Variants in MCTP1 observed in about 807,000 individuals in gnomAD.
MCTP1 encodes the protein multiple C2 and transmembrane domain-containing protein 1.
A neutral mutation model predicts 120.6 loss-of-function variants in MCTP1; 69 were observed. The observed-to-expected ratio is 0.57, with a 90% confidence interval of 0.47 to 0.70. The LOEUF (loss-of-function observed/expected upper bound fraction) is 0.70. Ranked by LOEUF, MCTP1 falls within the 30% of genes least tolerant of loss-of-function variation. MCTP1 has a pLI of 0.00. For synonymous variants in MCTP1, 529 were observed against 493.1 expected (o/e 1.07, Z -0.96); for missense variants, 1,203 against 1,248.8 (o/e 0.96, Z 0.55).
At chr5:95,110,479 C>T (rs1322840696) in intron 1 of MCTP1, among the ~76,000 whole-genome samples, 1 of 152,072 alleles carries the variant, frequency 6.6e-6, no homozygotes, top group African/African-American at 2.4e-5. Context: ...ATGGAAGGAA[C>T]TTGGGTTCCC....
chr5:94,952,631 C>A (rs1820912786), intron 3 of MCTP1, among the ~76,000 whole-genome samples: 1 of 152,074 alleles, frequency 6.6e-6, no homozygotes, highest in Admixed American at 6.6e-5. Flanking sequence ...AAAAGCTGGG[C>A]ATGAAAATAA....
chr5:95,013,548 G>A (rs1158370053), intron 2 of MCTP1, among the ~76,000 whole-genome samples: 1 of 152,028 alleles, frequency 6.6e-6, no homozygotes, highest in Non-Finnish European at 1.5e-5. Flanking sequence ...GAAAATCCTA[G>A]GGCCCTTAAG....
intron 1 of MCTP1, among the ~76,000 whole-genome samples, chr5:95,193,357 G>A (rs949779962): frequency 6.6e-6 from 1 of 152,010 alleles, no homozygotes; most frequent in Non-Finnish European, 1.5e-5. Flanking sequence ...TATTTGCATG[G>A]CACTTTTCTA....
chr5:94,815,859 CAAAG>C (rs1784387045), intron 17 of MCTP1, among the ~76,000 whole-genome samples: 1 of 152,046 alleles, frequency 6.6e-6, no homozygotes, highest in Non-Finnish European at 1.5e-5. Context: ...GAGCTGGTGT[CAAAG>C]AGAGGGCAAT....
At chr5:95,157,375 A>G (rs1430960704) in intron 1 of MCTP1, among the ~76,000 whole-genome samples, 1 of 152,214 alleles carries the variant, frequency 6.6e-6, no homozygotes, top group East Asian at 1.9e-4. Flanking sequence ...GGGCACCCTA[A>G]AGATAAACCA....
chr5:95,246,921 G>A (rs1756856643), intron 1 of MCTP1, among the ~76,000 whole-genome samples: 1 of 152,152 alleles, frequency 6.6e-6, no homozygotes, highest in Admixed American at 6.5e-5. Flanking sequence ...GAGTTAGGGA[G>A]GATTCCCTCT....
intron 2 of MCTP1, among the ~76,000 whole-genome samples, chr5:94,981,669 A>G (rs1291361980): frequency 6.6e-6 from 1 of 152,098 alleles, no homozygotes; most frequent in Non-Finnish European, 1.5e-5. Context: ...AGGGTTTGCT[A>G]TTTTGGATGA....
Position 94,895,245 on chromosome 5 carries a change from C to T in MCTP1, c.1653-410G>A, listed in dbSNP as rs559833024. Among the ~76,000 whole-genome samples the T allele has an allele frequency of 3.3e-5, 5 of 152,240 alleles. No homozygotes were observed. In the South Asian group the frequency reaches 8.3e-4, roughly 25 times the overall value. On this transcript the variant is annotated intron_variant, in intron 10 of 22. Coordinates refer to ENST00000515393, the MANE Select transcript of MCTP1 (RefSeq NM_024717.7). Reference sequence around the variant, plus strand: ...ACCTTTAAAAAATGGATGTTTTCCCCTCATTCGTAAATGTTATTAAGCAGT... The same window carrying T: ...ACCTTTAAAAAATGGATGTTTTCCCTTCATTCGTAAATGTTATTAAGCAGT...
chr5:95,088,362 T>A (rs981456698), intron 1 of MCTP1, among the ~76,000 whole-genome samples: 1 of 152,144 alleles, frequency 6.6e-6, no homozygotes, highest in Non-Finnish European at 1.5e-5. Flanking sequence ...AAATATGAAG[T>A]TAAGAATTGA....
intron 1 of MCTP1, among the ~76,000 whole-genome samples, chr5:95,028,189 T>C (rs995899076): frequency 2.6e-5 from 4 of 151,798 alleles, no homozygotes; most frequent in African/African-American, 7.3e-5. Context: ...CTTTGGAGAG[T>C]GAAAGGGAGT....
At chr5:95,034,688 C>T (rs1321038240) in intron 1 of MCTP1, among the ~76,000 whole-genome samples, 1 of 151,900 alleles carries the variant, frequency 6.6e-6, no homozygotes, top group Non-Finnish European at 1.5e-5. Context: ...GTGAAGACTT[C>T]AAAAGCAAAT....
At chr5:95,077,737 G>C (rs1753937542) in intron 1 of MCTP1, among the ~76,000 whole-genome samples, 1 of 152,122 alleles carries the variant, frequency 6.6e-6, no homozygotes, top group Non-Finnish European at 1.5e-5. Flanking sequence ...CTCCCAAAGT[G>C]CTGGGATTAC....
chr5:94,751,380 T>C (rs1193766356), intron 19 of MCTP1, among the ~76,000 whole-genome samples: 2 of 144,348 alleles, frequency 1.4e-5, no homozygotes, highest in Non-Finnish European at 3.0e-5. Flanking sequence ...TATGAGATAG[T>C]GTATGAGAGA....
In MCTP1 at chr5:95,284,276, G is replaced by A. The variant is rs756441614; in HGVS notation, c.300C>T (p.Cys100=). The A allele has an allele frequency of 1.1e-5, 18 of 1,596,322 alleles. No individual in the cohort carries two copies. The highest frequency in any genetic ancestry group is 3.3e-5 in the Admixed American group (2 of 59,856). The change falls in exon 1 of 23, where the codon TGC becomes TGT. Residue 100 remains cysteine, a synonymous_variant. Coordinates refer to ENST00000515393, the MANE Select transcript of MCTP1 (RefSeq NM_024717.7). This position sits in a 1 kb window ranked among gnomAD's most constrained non-coding sequence, Gnocchi z 5.2. ...RVFSSSQPNL[C]CSSPEPLEPG... is the part of the protein sequence containing the mutation. The stretch of plus-strand genomic sequence containing the variant: ...GCTCCAGGGGCTCCGGCGACGAGCA[G>A]CACAGGTTGGGCTGCGAGGAGGAGA...
chr5:95,203,646 T>C (rs558819738), intron 1 of MCTP1, among the ~76,000 whole-genome samples: 1 of 152,330 alleles, frequency 6.6e-6, no homozygotes, highest in South Asian at 2.1e-4. Context: ...AATGAATTCA[T>C]AAGTTAGTAA....
chr5:95,185,027 T>C (rs1749046506), intron 1 of MCTP1, among the ~76,000 whole-genome samples: 1 of 152,226 alleles, frequency 6.6e-6, no homozygotes, highest in South Asian at 2.1e-4. Context: ...CTCCGGTCTC[T>C]TGCACAGCCG....
intron 1 of MCTP1, among the ~76,000 whole-genome samples, chr5:95,095,086 CG>C (rs1420490934): frequency 4.4e-5 from 5 of 114,344 alleles, no homozygotes; most frequent in African/African-American, 1.4e-4. Context: ...TGCAGTGGCG[CG>C]ATCTAGGCTC....
At chr5:94,880,254 C>T (rs908861760) in intron 12 of MCTP1, among the ~76,000 whole-genome samples, 5 of 152,042 alleles carry the variant, frequency 3.3e-5, no homozygotes, top group Admixed American at 3.3e-4. Flanking sequence ...AATAAAAATA[C>T]ATTAGAAGTT....
At chr5:95,090,992 C>T (rs1041772784) in intron 1 of MCTP1, among the ~76,000 whole-genome samples, 2 of 152,178 alleles carry the variant, frequency 1.3e-5, no homozygotes, top group Non-Finnish European at 2.9e-5. Context: ...AATGTAGCCC[C>T]TGCCCACAAG....
Sources: gnomAD v4.1 joint callset for allele counts (sites outside exome capture counted in the v4.1 genomes callset) on GRCh38, gnomAD v4.1.1 for gene constraint, Gnocchi (gnomAD v3.1) non-coding constraint, MANE v1.5 for transcripts, NCBI Gene and HGNC (gene_info 2026-07-23, HGNC 2026-07-21) for gene names.